The following MMUT variants were observed in gnomAD, a reference collection of about 807,000 sequenced individuals.
The protein encoded by MMUT is methylmalonyl-CoA mutase, also known as methylmalonyl-CoA mutase, mitochondrial.
MMUT carries 79 observed loss-of-function variants against 79.9 expected under a neutral mutation model. That is an observed-to-expected ratio of 0.99 (90% confidence interval 0.82 to 1.19). The LOEUF (loss-of-function observed/expected upper bound fraction) is 1.19, where lower values mean the gene tolerates loss of function less well. MMUT is among the 50% of genes most tolerant of loss of function. The pLI is 0.00. For missense variants in MMUT, 860 were observed against 917.2 expected (o/e 0.94, Z 0.81); for synonymous variants, 273 against 295.7 (o/e 0.92, Z 0.79).
chr6:49,437,256 C>T (rs1485399739), intron 11 of MMUT, among the ~76,000 whole-genome samples: 1 of 152,042 alleles, frequency 6.6e-6, no homozygotes. Context: ...AAAACAATAA[C>T]TCAATCCCTA....
At chr6:49,447,865 TAA>T in intron 7 of MMUT, 80 bp from the exon 8 acceptor site, 1 of 798,096 alleles carries the variant, frequency 1.3e-6, no homozygotes, top group Non-Finnish European at 2.1e-6. Context: ...ATTTTCCTTA[TAA>T]ATTTAATATC....
At chr6:49,433,664 G>C (rs1767045880) in intron 12 of MMUT, among the ~76,000 whole-genome samples, 1 of 152,084 alleles carries the variant, frequency 6.6e-6, no homozygotes, top group South Asian at 2.1e-4. Flanking sequence ...GATGAGGAGA[G>C]ACCACGTTTA....
chr6:49,448,766 A>C lies in MMUT; in HGVS notation c.1444+50T>G, dbSNP rs767301572. The C allele has an allele frequency of 2.1e-6, 3 of 1,414,188 alleles. No homozygotes were observed. The East Asian group carries it at 6.9e-5, about 32-fold the overall frequency. 87.6% of individuals were successfully genotyped at this position (1,414,188 alleles called of 1,614,324 possible). ...ACATGTTATCTTCAAACAGAAATGA[A>C]TTTCTTTTTAACTACTGGATTTCAT... is the stretch of plus-strand genomic sequence containing the variant. On this transcript the variant is annotated intron_variant, in intron 7 of 12. Transcript: ENST00000274813.
In MMUT at chr6:49,459,476, T is replaced by G. The variant is rs755314171; in HGVS notation, c.-10A>C. 6.2e-7 allele frequency: 1 copy of G among 1,608,390 alleles called. No individual in the cohort carries two copies. The highest frequency in any genetic ancestry group is 8.5e-7 in the Non-Finnish European group (1 of 1,179,874). Reference sequence around the variant, plus strand: ...TCTTAGCTCTTAACATGGTGGAGCATGGAAACACCCAATAGAAATAAGAAC... The same window carrying G: ...TCTTAGCTCTTAACATGGTGGAGCAGGGAAACACCCAATAGAAATAAGAAC... On this transcript the variant is annotated 5_prime_UTR_variant, in exon 2 of 13. An upstream start codon of the reference 5' UTR is lost. Coordinates refer to ENST00000274813, the MANE Select transcript of MMUT (RefSeq NM_000255.4).
chr6:49,454,985 G>A (rs1246491867), intron 4 of MMUT, among the ~76,000 whole-genome samples: 1 of 152,118 alleles, frequency 6.6e-6, no homozygotes, highest in Non-Finnish European at 1.5e-5. Context: ...GGCTGAGGCT[G>A]CAATGAGCAG....
In MMUT at chr6:49,447,695, T is replaced by G; in HGVS notation, c.1535A>C (p.Asn512Thr). The part of the protein sequence containing the change: ...VLAIDNTSVR[N>T]RQIEKLKKIK... ...CTTCTTAAGTTTTTCAATCTGCCTG[T>G]TTCGCACTGAAGTATTATCAATTGC... The change falls in exon 8 of 13, where the codon AAC becomes ACC. Residue 512 changes from asparagine to threonine, a missense_variant. Transcript: ENST00000274813. The G allele has an allele frequency of 3.1e-6, 5 of 1,610,778 alleles. No homozygotes were observed. Among genetic ancestry groups the G allele is most frequent in the Non-Finnish European group, 4.2e-6 (5 of 1,177,566 alleles).
intron 5 of MMUT, among the ~76,000 whole-genome samples, chr6:49,453,007 T>C (rs1026598457): frequency 4.0e-5 from 6 of 151,182 alleles, no homozygotes; most frequent in African/African-American, 1.2e-4. Context: ...TGCTTCCTTC[T>C]CATCATCAAA....
chr6:49,459,184 G>C lies in MMUT; in HGVS notation c.283C>G (p.Pro95Ala). 1 of 1,614,170 alleles carries C rather than the reference G, an allele frequency of 6.2e-7. No homozygotes were observed. Among genetic ancestry groups the C allele is most frequent in the Non-Finnish European group, 8.5e-7 (1 of 1,180,032 alleles). Residue 95 changes from proline to alanine, a missense_variant, in exon 2 of 13, where the codon CCA becomes GCA. Pro to Ala is a conservative substitution (Grantham distance 27). Transcript: ENST00000274813. ...LPGVKPFTRG[P>A]YPTMYTFRPW... ...CTAAAGGTATACATGGTAGGATATG[G>C]TCCACGTGTGAATGGCTTCACTCCT... is the stretch of plus-strand genomic sequence containing the variant.
chr6:49,432,041 C>T (rs1043918674), intron 12 of MMUT, among the ~76,000 whole-genome samples, 185 bp from the exon 13 acceptor site: 5 of 152,156 alleles, frequency 3.3e-5, no homozygotes, highest in Non-Finnish European at 7.4e-5. Context: ...GCACCAGCCT[C>T]CCAGCCCAAG....
intron 1 of MMUT, among the ~76,000 whole-genome samples, chr6:49,459,765 T>C (rs1317150169): frequency 1.3e-5 from 2 of 152,178 alleles, no homozygotes; most frequent in African/African-American, 4.8e-5. Context: ...TACTCCATTC[T>C]ATACGAATCC....
chr6:49,453,442 T>G (rs1174664323), intron 5 of MMUT, 143 bp downstream of exon 5: 1 of 346,426 alleles, frequency 2.9e-6, no homozygotes, highest in African/African-American at 2.1e-5. Context: ...CAAACCTAAG[T>G]ATACATTATG....
At chr6:49,444,514 G>A (rs767754803) in intron 9 of MMUT, 125 bp downstream of exon 9, 2 of 759,634 alleles carry the variant, frequency 2.6e-6, no homozygotes, top group Non-Finnish European at 4.6e-6. Context: ...AATTTACGAT[G>A]GATGCCATTA....
intron 8 of MMUT, among the ~76,000 whole-genome samples, 176 bp from the exon 9 acceptor site, chr6:49,444,930 T>C (rs1219793246): frequency 1.3e-5 from 2 of 152,164 alleles, no homozygotes; most frequent in Admixed American, 6.6e-5. Flanking sequence ...TTCATTCAAT[T>C]CATTCATTCA....
chr6:49,457,562 A>C, intron 3 of MMUT, 129 bp downstream of exon 3: 2 of 808,704 alleles, frequency 2.5e-6, no homozygotes, highest in Non-Finnish European at 3.7e-6. Flanking sequence ...TAAAAACAAA[A>C]AGTAACAATA....
At chr6:49,441,721 T>C (rs1162804700) in intron 10 of MMUT, 119 bp downstream of exon 10, 3 of 586,158 alleles carry the variant, frequency 5.1e-6, no homozygotes, top group South Asian at 7.7e-5. Flanking sequence ...TACTATTTAT[T>C]ATTATAAAAT....
In MMUT at chr6:49,431,600, T is replaced by C; in HGVS notation, c.*128A>G. 1 of 1,004,148 alleles carries C rather than the reference T, an allele frequency of 1.0e-6. No individual in the cohort carries two copies. The highest frequency in any genetic ancestry group is 1.5e-5 in the South Asian group (1 of 68,282). The allele number at this position is 1,004,148 out of a possible 1,614,324, so 62.2% of individuals were successfully genotyped here. On this transcript the variant is annotated 3_prime_UTR_variant, in exon 13 of 13. Coordinates refer to ENST00000274813, the MANE Select transcript of MMUT (RefSeq NM_000255.4). ...GACACCAGGCCTATAAGTAAGGTAT[T>C]TTAAAGTAAAGCTTTCAAGGAAAGT...
intron 10 of MMUT, among the ~76,000 whole-genome samples, chr6:49,440,946 T>A (rs1767257554): frequency 6.6e-6 from 1 of 152,218 alleles, no homozygotes; most frequent in African/African-American, 2.4e-5. Flanking sequence ...GTGTGAACTC[T>A]CCCAAGGTAA....
rs776371056 is a variant in MMUT, at chr6:49,456,126, T to G, written c.865A>C (p.Arg289=). ...GTCAGGCCAGCCTGGAGTCCAGTTC[T>G]AGAGTACTCCAATCCATCTGCTAAA... ...YTLADGLEYS[R]TGLQAGLTID... Residue 289 remains arginine, a synonymous_variant, in exon 4 of 13, where the codon AGA becomes CGA. Coordinates refer to ENST00000274813, the MANE Select transcript of MMUT (RefSeq NM_000255.4). 6.2e-7 allele frequency: 1 copy of G among 1,613,446 alleles called. No individual in the cohort carries two copies. Among genetic ancestry groups the G allele is most frequent in the Admixed American group, 1.7e-5 (1 of 60,018 alleles).
chr6:49,457,097 C>T (rs1767708153), intron 3 of MMUT, among the ~76,000 whole-genome samples: 2 of 152,198 alleles, frequency 1.3e-5, no homozygotes, highest in Non-Finnish European at 2.9e-5. Context: ...AAATAATGAT[C>T]TAACTTTAAC....
Sources: gnomAD v4.1 joint callset for allele counts (sites outside exome capture counted in the v4.1 genomes callset) on GRCh38, gnomAD v4.1.1 for gene constraint, MANE v1.5 for transcripts, NCBI Gene and HGNC (gene_info 2026-07-23, HGNC 2026-07-21) for gene names.